Variants in KHDC1 observed in about 807,000 individuals in gnomAD.
The protein encoded by KHDC1 is KH homology domain-containing protein 1.
KHDC1 carries 21 observed loss-of-function variants against 24.7 expected under a neutral mutation model. The observed-to-expected ratio is 0.85, with a 90% CI of 0.60 to 1.23. The LOEUF (loss-of-function observed/expected upper bound fraction) is 1.23. KHDC1 is among the 50% of genes most tolerant of loss of function. The pLI, the probability that KHDC1 is intolerant of heterozygous loss-of-function variation, is 0.00. For synonymous variants in KHDC1, 98 were observed against 111.7 expected (o/e 0.88, Z 0.77); for missense variants, 274 against 298.5 (o/e 0.92, Z 0.61).
intron 2 of KHDC1, chr6:73,263,159 T>A: frequency 1.0e-6 from 1 of 987,092 alleles, no homozygotes; most frequent in Non-Finnish European, 1.2e-6. Context: ...GGGTCCCGGC[T>A]CGCGCCGCGG....
intron 2 of KHDC1, among the ~76,000 whole-genome samples, chr6:73,251,502 T>G (rs1766775896): frequency 2.0e-5 from 3 of 152,192 alleles, no homozygotes; most frequent in South Asian, 4.1e-4. Context: ...TCACTGGCCC[T>G]CTAACCTAAA....
At chr6:73,278,053 C>A (rs1767333046) in intron 2 of KHDC1, among the ~76,000 whole-genome samples, 2 of 143,336 alleles carry the variant, frequency 1.4e-5, no homozygotes. Flanking sequence ...TGCTCTGTCA[C>A]CCAGCTGGAG....
chr6:73,254,479 T>A (rs1032832247), intron 2 of KHDC1, among the ~76,000 whole-genome samples: 12 of 137,246 alleles, frequency 8.7e-5, no homozygotes, highest in African/African-American at 3.7e-4. Flanking sequence ...AATAAATAAA[T>A]AAATAAATAA....
At position 73,263,615 on chromosome 6, in the gene KHDC1, G is replaced by GGT. The variant is rs1554225409; in HGVS notation, c.207-21086_207-21085insAC. ...GCCTGGGGAGGGGTGTCGCGGTGGGGGGGGGGGTGACCCAGGCCCACCCTC... is the reference window on the plus strand; with the variant it reads ...GCCTGGGGAGGGGTGTCGCGGTGGGGGTGGGGGGGTGACCCAGGCCCACCCTC... On this transcript the variant is annotated intron_variant, in intron 2 of 4. Coordinates refer to ENST00000370384, the Ensembl canonical transcript of KHDC1. 1.3e-4 allele frequency among the ~76,000 whole-genome samples: 20 copies of GGT among 151,118 alleles called. 1 individual carries two copies. The highest frequency in any genetic ancestry group is 4.6e-4 in the African/African-American group (19 of 41,206).
chr6:73,263,672 G>T (rs1447535194), intron 2 of KHDC1, among the ~76,000 whole-genome samples: 1 of 151,788 alleles, frequency 6.6e-6, no homozygotes, highest in Non-Finnish European at 1.5e-5. Flanking sequence ...CACATCCCCA[G>T]TGGATGCCTC....
chr6:73,242,298 G>A, intron 3 of KHDC1, 61 bp from the exon 3 acceptor site: 1 of 1,602,958 alleles, frequency 6.2e-7, no homozygotes, highest in Non-Finnish European at 8.5e-7. Flanking sequence ...GAATGGGGAG[G>A]TGGCCTTCAG....
At chr6:73,265,307 A>G (rs1389918684) in intron 2 of KHDC1, among the ~76,000 whole-genome samples, 1 of 152,196 alleles carries the variant, frequency 6.6e-6, no homozygotes, top group East Asian at 1.9e-4. Flanking sequence ...AAAAGAGGTC[A>G]CTGCCTGAGG....
chr6:73,254,471 TAAATAAA>T (rs1766843152), intron 2 of KHDC1, among the ~76,000 whole-genome samples: 1 of 5,886 alleles, frequency 1.7e-4, no homozygotes. Context: ...AAAATAAAAA[TAAATAAA>T]TAAATAAATA....
chr6:73,248,895 A>C (rs1260116731), intron 2 of KHDC1, among the ~76,000 whole-genome samples: 1 of 151,920 alleles, frequency 6.6e-6, no homozygotes, highest in African/African-American at 2.4e-5. Context: ...ATTACAAATA[A>C]ATTATTACAT....
intron 2 of KHDC1, among the ~76,000 whole-genome samples, chr6:73,288,634 T>C (rs528294514): frequency 6.6e-6 from 1 of 151,806 alleles, no homozygotes; most frequent in East Asian, 1.9e-4. Context: ...AAAAAAGTTT[T>C]CTTTGAGCAG....
chr6:73,244,444 G>A (rs1318005666), intron 2 of KHDC1, among the ~76,000 whole-genome samples: 1 of 152,060 alleles, frequency 6.6e-6, no homozygotes, highest in Non-Finnish European at 1.5e-5. Context: ...TGAGGTCAGT[G>A]TTCAATATTG....
At chr6:73,298,104 T>C (rs1767792030) in intron 1 of KHDC1, among the ~76,000 whole-genome samples, 1 of 151,770 alleles carries the variant, frequency 6.6e-6, no homozygotes, top group South Asian at 2.1e-4. Context: ...GACAGAAGAA[T>C]CCTTGAACCT....
intron 2 of KHDC1, among the ~76,000 whole-genome samples, chr6:73,261,618 C>CAA (rs112743958): frequency 6.9e-4 from 98 of 141,262 alleles, no homozygotes; most frequent in African/African-American, 2.5e-3. Flanking sequence ...AAAAAAATAC[C>CAA]AAAAAAAAAA....
chr6:73,286,626 A>T (rs1767528883), intron 2 of KHDC1, among the ~76,000 whole-genome samples: 1 of 152,222 alleles, frequency 6.6e-6, no homozygotes, highest in Non-Finnish European at 1.5e-5. Context: ...TCACGTCTAC[A>T]ATCCCAGCAC....
In KHDC1 at chr6:73,288,234, G is replaced by C. The variant is rs1767557987; in HGVS notation, c.206+3764C>G. ...TGTGCCAGGTGTGGTGTTTTTATTA[G>C]AAACTGATTAACACAACCTTTGATA... On this transcript the variant is annotated intron_variant, in intron 2 of 4. Coordinates refer to ENST00000370384, the Ensembl canonical transcript of KHDC1. 2.0e-5 allele frequency among the ~76,000 whole-genome samples: 3 copies of C among 152,222 alleles called. No individual in the cohort carries two copies. In the South Asian group the frequency reaches 6.2e-4, roughly 32 times the overall value.
intron 1 of KHDC1, among the ~76,000 whole-genome samples, chr6:73,296,533 A>G (rs980115784): frequency 1.3e-5 from 2 of 152,192 alleles, no homozygotes; most frequent in Non-Finnish European, 2.9e-5. Flanking sequence ...TGAGATGAAT[A>G]TCACAACTAG....
At chr6:73,302,664 G>C (rs933924951) in intron 1 of KHDC1, among the ~76,000 whole-genome samples, 7 of 152,196 alleles carry the variant, frequency 4.6e-5, no homozygotes, top group African/African-American at 1.7e-4. Flanking sequence ...CGACGCCACT[G>C]TTATAGGAAT....
intron 2 of KHDC1, chr6:73,268,721 CAG>C (rs1241840506): frequency 6.6e-6 from 1 of 152,362 alleles, no homozygotes; most frequent in East Asian, 1.9e-4. Context: ...GAGCTAGACA[CAG>C]GGTGCTGATT....
chr6:73,273,202 CTG>C (rs1767214328), intron 2 of KHDC1, among the ~76,000 whole-genome samples: 2 of 150,760 alleles, frequency 1.3e-5, no homozygotes, highest in Admixed American at 6.6e-5. Flanking sequence ...GAGTCTCTCT[CTG>C]TTGCCCAGGC....
Sources: allele counts gnomAD v4.1 joint callset (sites outside exome capture counted in the v4.1 genomes callset), GRCh38; gene constraint gnomAD v4.1.1; transcripts MANE v1.5; gene names NCBI Gene and HGNC (gene_info 2026-07-23, HGNC 2026-07-21).